The following MAN1C1 variants were observed in gnomAD, a reference collection of about 807,000 sequenced individuals.
MAN1C1 encodes mannosidase alpha class 1C member 1.
In MAN1C1, 49 loss-of-function variants were observed where a neutral mutation model predicts 71.5. That is an observed-to-expected ratio of 0.69 (90% confidence interval 0.54 to 0.87). The LOEUF is 0.87. MAN1C1 is among the 40% of genes least tolerant of loss of function. The probability of loss-of-function intolerance (pLI) is 0.00; values close to 1 mark genes in which losing one functional copy is unlikely to be tolerated. For synonymous variants in MAN1C1, 352 were observed against 343.7 expected (o/e 1.02, Z -0.27); for missense variants, 743 against 835.0 (o/e 0.89, Z 1.36).
intron 1 of MAN1C1, among the ~76,000 whole-genome samples, chr1:25,681,644 G>T (rs1040491418): frequency 2.0e-5 from 3 of 152,138 alleles, no homozygotes; most frequent in Admixed American, 6.5e-5. Flanking sequence ...TAACTTTTCT[G>T]CACAGGTCCG....
chr1:25,694,343 A>G (rs2046344215), intron 2 of MAN1C1, among the ~76,000 whole-genome samples: 1 of 152,204 alleles, frequency 6.6e-6, no homozygotes, highest in Non-Finnish European at 1.5e-5. Context: ...GCTCTGAGCC[A>G]GCCCCAGGAT....
intron 1 of MAN1C1, among the ~76,000 whole-genome samples, chr1:25,675,314 C>T (rs960472584): frequency 6.6e-6 from 1 of 152,118 alleles, no homozygotes; most frequent in African/African-American, 2.4e-5. Flanking sequence ...TTAGCTTCCA[C>T]TTATAAGTGA....
In MAN1C1 at chr1:25,725,991, G is replaced by A. The variant is rs755798093; in HGVS notation, c.638-20677G>A. Among the ~76,000 whole-genome samples the A allele has an allele frequency of 1.3e-5, 2 of 152,228 alleles. No homozygotes were observed. The highest frequency in any genetic ancestry group is 2.4e-5 in the African/African-American group (1 of 41,460). ...GAGTGAGCTGCCCAGCTGGGCATGG[G>A]CTGGATCACAAAGGGCCATTTACAG... On this transcript the variant is annotated intron_variant, in intron 2 of 11. Coordinates refer to ENST00000374332, the MANE Select transcript of MAN1C1 (RefSeq NM_020379.4). The surrounding 1 kb of genome is among the most constrained non-coding windows in gnomAD (Gnocchi z 4.8).
At chr1:25,662,849 T>C (rs2045869725) in intron 1 of MAN1C1, among the ~76,000 whole-genome samples, 1 of 152,172 alleles carries the variant, frequency 6.6e-6, no homozygotes, top group South Asian at 2.1e-4. Context: ...ATCACGAGGT[T>C]AGGAGTTCGA....
intron 1 of MAN1C1, among the ~76,000 whole-genome samples, chr1:25,673,955 A>G (rs2046029190): frequency 6.6e-6 from 1 of 152,166 alleles, no homozygotes; most frequent in Admixed American, 6.5e-5. Flanking sequence ...TTGGAATTTC[A>G]CTTGTGGGTG....
At chr1:25,766,555 C>G (rs1476418762) in intron 7 of MAN1C1, among the ~76,000 whole-genome samples, 2 of 152,172 alleles carry the variant, frequency 1.3e-5, no homozygotes, top group Middle Eastern at 3.2e-3. Context: ...TCTCAGTTAC[C>G]TAGGCCTCTG....
chr1:25,635,792 T>C (rs2045451198), intron 1 of MAN1C1, among the ~76,000 whole-genome samples: 1 of 152,154 alleles, frequency 6.6e-6, no homozygotes, highest in African/African-American at 2.4e-5. Flanking sequence ...TGGTATTCCT[T>C]CTTTAATTCC....
intron 2 of MAN1C1, among the ~76,000 whole-genome samples, chr1:25,718,030 C>T (rs2046706807): frequency 7.0e-6 from 1 of 142,738 alleles, no homozygotes; most frequent in Admixed American, 6.9e-5. Flanking sequence ...ACACACATAG[C>T]CATTCCCCCA....
At chr1:25,657,391 C>T (rs1572126664) in intron 1 of MAN1C1, among the ~76,000 whole-genome samples, 1 of 152,140 alleles carries the variant, frequency 6.6e-6, no homozygotes, top group African/African-American at 2.4e-5. Flanking sequence ...GGTGGTGGTG[C>T]TTGATGTAGG....
Position 25,711,010 on chromosome 1 carries a change from G to A in MAN1C1, c.637+24474G>A, listed in dbSNP as rs1255408932. 6.6e-6 allele frequency among the ~76,000 whole-genome samples: 1 copy of A among 152,126 alleles called. No individual in the cohort carries two copies. The highest frequency in any genetic ancestry group is 1.5e-5 in the Non-Finnish European group (1 of 68,038). ...TAACAAACCACCCTGAAACTTAATG[G>A]CTTAAACAAAGACCATTTATTATTT... On this transcript the variant is annotated intron_variant, in intron 2 of 11. Transcript: ENST00000374332. This position sits in a 1 kb window ranked among gnomAD's most constrained non-coding sequence, Gnocchi z 4.3.
At chr1:25,747,841 CAT>C (rs1264075033) in intron 3 of MAN1C1, among the ~76,000 whole-genome samples, 1 of 152,220 alleles carries the variant, frequency 6.6e-6, no homozygotes, top group African/African-American at 2.4e-5. Context: ...ATGCCTAACT[CAT>C]AGGCTTATCA....
At chr1:25,678,715 G>A (rs1231865816) in intron 1 of MAN1C1, among the ~76,000 whole-genome samples, 1 of 152,138 alleles carries the variant, frequency 6.6e-6, no homozygotes, top group Non-Finnish European at 1.5e-5. Flanking sequence ...AGGAGGTGAA[G>A]TAAATGATGA....
intron 2 of MAN1C1, among the ~76,000 whole-genome samples, chr1:25,726,983 G>A (rs2046841084): frequency 6.6e-6 from 1 of 152,018 alleles, no homozygotes; most frequent in African/African-American, 2.4e-5. Context: ...CTTGAACCTG[G>A]GAAGTGGAGG....
intron 2 of MAN1C1, among the ~76,000 whole-genome samples, chr1:25,692,457 G>A (rs1296545719): frequency 6.6e-6 from 1 of 152,162 alleles, no homozygotes; most frequent in African/African-American, 2.4e-5. Context: ...GAACTCCCAT[G>A]CTCAAGTGAT....
At chr1:25,740,064 C>T (rs1478708497) in intron 2 of MAN1C1, among the ~76,000 whole-genome samples, 1 of 152,120 alleles carries the variant, frequency 6.6e-6, no homozygotes, top group Non-Finnish European at 1.5e-5. Flanking sequence ...CGAGTTCTCT[C>T]CCTAGGAGCC....
chr1:25,693,379 C>T (rs952116539), intron 2 of MAN1C1, among the ~76,000 whole-genome samples: 3 of 152,046 alleles, frequency 2.0e-5, no homozygotes, highest in Admixed American at 6.5e-5. Flanking sequence ...TCTGTAATCC[C>T]AGCACTTTAG....
chr1:25,683,787 C>A lies in MAN1C1; in HGVS notation c.541-2653C>A, dbSNP rs554278197. ...GGACCACCTGGATAGGAGGCTGTCC[C>A]CTTCATCCCCTGTCCCCTGCTCACC... On this transcript the variant is annotated intron_variant, in intron 1 of 11. Transcript: ENST00000374332. Among the ~76,000 whole-genome samples the A allele has an allele frequency of 2.0e-5, 3 of 152,252 alleles. No homozygotes were observed. In the East Asian group the frequency reaches 5.8e-4, roughly 29 times the overall value.
At position 25,784,081 on chromosome 1, in the gene MAN1C1, C is replaced by T. The variant is rs959739286; in HGVS notation, c.*292C>T. ...AAAGGACCGGAGGTTTGCATATCCG[C>T]CCCTTGTATTTGATTTGCTTCCTTT... On this transcript the variant is annotated 3_prime_UTR_variant, in exon 12 of 12. Coordinates refer to ENST00000374332, the MANE Select transcript of MAN1C1 (RefSeq NM_020379.4). 1.3e-5 allele frequency: 4 copies of T among 304,448 alleles called. No homozygotes were observed. Among genetic ancestry groups the T allele is most frequent in the South Asian group, 9.9e-5 (1 of 10,084 alleles). The allele number at this position is 304,448 out of a possible 1,614,324, so 18.9% of individuals were successfully genotyped here. A position where few individuals can be genotyped will look rare whatever the true frequency, so the allele number is the denominator to read the frequency against.
intron 1 of MAN1C1, chr1:25,645,272 A>AG (rs2045597623): frequency 6.6e-6 from 1 of 152,346 alleles, no homozygotes; most frequent in African/African-American, 2.4e-5. Flanking sequence ...AAGGAGCTCC[A>AG]GGCGCTCTGA....
Sources: allele counts gnomAD v4.1 joint callset (sites outside exome capture counted in the v4.1 genomes callset), GRCh38; gene constraint gnomAD v4.1.1; non-coding constraint Gnocchi (gnomAD v3.1); transcripts MANE v1.5; gene names NCBI Gene and HGNC (gene_info 2026-07-23, HGNC 2026-07-21).